GLIPR1L2: variants seen among roughly 807,000 people sequenced by gnomAD.
The protein encoded by GLIPR1L2 is GLIPR1-like protein 2.
GLIPR1L2 carries 21 observed loss-of-function variants against 28.4 expected under a neutral mutation model. The observed-to-expected ratio is 0.74, with a 90% confidence interval of 0.52 to 1.06. The LOEUF is 1.06. GLIPR1L2 is among the 50% of genes least tolerant of loss of function. The pLI, the probability that GLIPR1L2 is intolerant of heterozygous loss-of-function variation, is 0.00. For missense variants in GLIPR1L2, 476 were observed against 416.9 expected (o/e 1.14, Z -1.23); for synonymous variants, 145 against 139.3 (o/e 1.04, Z -0.29).
At chr12:75,415,468 G>T (rs2045914298) in intron 3 of GLIPR1L2, among the ~76,000 whole-genome samples, 1 of 152,038 alleles carries the variant, frequency 6.6e-6, no homozygotes, top group Non-Finnish European at 1.5e-5. Context: ...GTTGGATAAT[G>T]AATTACCACA....
At position 75,430,709 on chromosome 12, in the gene GLIPR1L2, T is replaced by C. The variant is rs1194464382; in HGVS notation, c.671-6T>C. ...TAATTTTTGTGGACTTTCTTTTTCT[T>C]TCTAGGTAATGCAGATCGTGACCAA... On this transcript the variant is annotated splice_polypyrimidine_tract_variant and splice_region_variant and intron_variant, in intron 4 of 5. Transcript: ENST00000550916. 6.5e-7 allele frequency: 1 copy of C among 1,530,662 alleles called. No homozygotes were observed. The highest frequency in any genetic ancestry group is 8.7e-7 in the Non-Finnish European group (1 of 1,145,272). 94.8% of individuals were successfully genotyped at this position (1,530,662 alleles called of 1,614,324 possible).
rs1451366844 is a variant in GLIPR1L2 at position 75,431,243 on chromosome 12, T to G, written c.*82T>G. Reference sequence around the variant, plus strand: ...AAAAAAGACAGAAAAAAAAAAAAAGTAAAACACTGAGTTTTAACAAGAAAG... The same window carrying G: ...AAAAAAGACAGAAAAAAAAAAAAAGGAAAACACTGAGTTTTAACAAGAAAG... On this transcript the variant is annotated 3_prime_UTR_variant, in exon 6 of 6. Transcript: ENST00000550916. The G allele has an allele frequency of 3.4e-6, 2 of 587,950 alleles. No homozygotes were observed. The highest frequency in any genetic ancestry group is 3.0e-6 in the Non-Finnish European group (1 of 334,618). 36.4% of individuals were successfully genotyped at this position (587,950 alleles called of 1,614,324 possible).
chr12:75,413,618 C>A lies in GLIPR1L2; in HGVS notation c.501C>A (p.Tyr167Ter). 1 of 1,555,402 alleles carries A rather than the reference C, an allele frequency of 6.4e-7. No homozygotes were observed. The highest frequency in any genetic ancestry group is 1.3e-5 in the South Asian group (1 of 79,558). ...NYIQLVWDHSYKVGCAVTPCS... is the reference protein window; with the variant it reads ...NYIQLVWDHS ...TTTAGCTTGTTTGGGACCACTCTTA[C>A]AAAGTTGGTTGTGCTGTTACTCCAT... The change falls in exon 3 of 6, where the codon TAC becomes TAA. Residue 167 changes from tyrosine to a stop codon, truncating the protein, a stop_gained. Coordinates refer to ENST00000550916, the MANE Select transcript of GLIPR1L2 (RefSeq NM_001270396.2). LOFTEE classifies it high-confidence loss of function.
At chr12:75,398,495 T>G (rs1215347642) in intron 1 of GLIPR1L2, among the ~76,000 whole-genome samples, 1 of 152,158 alleles carries the variant, frequency 6.6e-6, no homozygotes, top group African/African-American at 2.4e-5. Context: ...GTGTCTTAGC[T>G]TCGTCCTCTT....
intron 4 of GLIPR1L2, chr12:75,424,016 T>G (rs2046008038): frequency 6.6e-6 from 1 of 152,242 alleles, no homozygotes; most frequent in Non-Finnish European, 1.5e-5. Flanking sequence ...TGAACAGTGC[T>G]GCAATAAACA....
At chr12:75,408,326 T>G (rs1281677350) in intron 1 of GLIPR1L2, among the ~76,000 whole-genome samples, 1 of 151,954 alleles carries the variant, frequency 6.6e-6, no homozygotes, top group Non-Finnish European at 1.5e-5. Flanking sequence ...GGAATTAGAT[T>G]TCATGGGTTT....
At chr12:75,412,419 G>T (rs547865017) in intron 2 of GLIPR1L2, among the ~76,000 whole-genome samples, 43 of 151,972 alleles carry the variant, frequency 2.8e-4, no homozygotes, top group Non-Finnish European at 3.8e-4. Flanking sequence ...CCTACAAAAT[G>T]GGGGAAAATT....
At chr12:75,430,445 T>C (rs12580524) in intron 4 of GLIPR1L2, among the ~76,000 whole-genome samples, 2 of 152,090 alleles carry the variant, frequency 1.3e-5, no homozygotes, top group African/African-American at 4.8e-5. Flanking sequence ...AGTGGAGAAA[T>C]GTATGTAAGG....
At chr12:75,403,743 C>G (rs536579799) in intron 1 of GLIPR1L2, among the ~76,000 whole-genome samples, 1 of 152,164 alleles carries the variant, frequency 6.6e-6, no homozygotes, top group East Asian at 1.9e-4. Flanking sequence ...AACCCCCTAC[C>G]TCCTTCATCC....
chr12:75,429,941 T>TTC (rs1555234759), intron 4 of GLIPR1L2, among the ~76,000 whole-genome samples: 11 of 143,708 alleles, frequency 7.7e-5, no homozygotes, highest in African/African-American at 2.9e-4. Flanking sequence ...TTTCTTTCTT[T>TTC]TTTTTTTTTT....
intron 1 of GLIPR1L2, among the ~76,000 whole-genome samples, chr12:75,406,522 T>A (rs543319988): frequency 1.3e-4 from 20 of 152,106 alleles, no homozygotes; most frequent in African/African-American, 4.8e-4. Flanking sequence ...TTTGGGAGGC[T>A]GAGGTGGGAG....
At position 75,431,144 on chromosome 12, in the gene GLIPR1L2, G is replaced by A; in HGVS notation, c.1018G>A (p.Glu340Lys). Residue 340 changes from glutamate (E) to lysine (K), a missense_variant, in exon 6 of 6, where the codon GAG becomes AAG. Coordinates refer to ENST00000550916, the MANE Select transcript of GLIPR1L2 (RefSeq NM_001270396.2). ...EEEETQKEKM[E>K]EEEK ...GGAGGAAACACAAAAAGAAAAGATGGAGGAAGAGGAAAAATAAGAGTAGAA... is the reference window on the plus strand; with the variant it reads ...GGAGGAAACACAAAAAGAAAAGATGAAGGAAGAGGAAAAATAAGAGTAGAA... 1.3e-6 allele frequency: 1 copy of A among 791,458 alleles called. No homozygotes were observed. The highest frequency in any genetic ancestry group is 2.1e-6 in the Non-Finnish European group (1 of 482,534). The allele number at this position is 791,458 out of a possible 1,614,324, so 49.0% of individuals were successfully genotyped here. A position where few individuals can be genotyped will look rare whatever the true frequency, so the allele number is the denominator to read the frequency against.
chr12:75,392,145 G>A (rs2045621606), intron 1 of GLIPR1L2, among the ~76,000 whole-genome samples: 1 of 152,108 alleles, frequency 6.6e-6, no homozygotes, highest in African/African-American at 2.4e-5. Context: ...ATATTGCAAG[G>A]ACTACTTTCC....
At chr12:75,406,594 CA>C (rs1252608098) in intron 1 of GLIPR1L2, among the ~76,000 whole-genome samples, 1 of 151,284 alleles carries the variant, frequency 6.6e-6, no homozygotes, top group Non-Finnish European at 1.5e-5. Flanking sequence ...CTGTCTCTAC[CA>C]AAAAATAAAA....
chr12:75,428,082 T>C (rs989295444), intron 4 of GLIPR1L2, among the ~76,000 whole-genome samples: 1 of 152,106 alleles, frequency 6.6e-6, no homozygotes, highest in Admixed American at 6.6e-5. Flanking sequence ...TTGGAACCAT[T>C]TGGAGGGCTC....
At chr12:75,407,816 T>C (rs1028187661) in intron 1 of GLIPR1L2, among the ~76,000 whole-genome samples, 8 of 152,088 alleles carry the variant, frequency 5.3e-5, no homozygotes, top group Non-Finnish European at 1.2e-4. Flanking sequence ...CATGTAACCT[T>C]GAGAATTCTT....
Position 75,413,497 on chromosome 12 carries a change from T to G in GLIPR1L2, c.481-101T>G, listed in dbSNP as rs931188350. 3.6e-5 allele frequency: 24 copies of G among 673,672 alleles called. No individual in the cohort carries two copies. The African/African-American group carries it at 4.4e-4, about 12-fold the overall frequency. 41.7% of individuals were successfully genotyped at this position (673,672 alleles called of 1,614,324 possible). On this transcript the variant is annotated intron_variant, in intron 2 of 5. Coordinates refer to ENST00000550916, the MANE Select transcript of GLIPR1L2 (RefSeq NM_001270396.2). ...AAATAGTTTATATTTCTTGAATTGC[T>G]TGGTGAAAAGTTCTATGTGAATGGA... is the stretch of plus-strand genomic sequence containing the variant.
rs1210547615 is a variant in GLIPR1L2, at chr12:75,391,245, A to AT, written c.134dup (p.Leu45PhefsTer19). On this transcript the variant is annotated frameshift_variant, in exon 1 of 6. Coordinates refer to ENST00000550916, the MANE Select transcript of GLIPR1L2 (RefSeq NM_001270396.2). LOFTEE classifies it high-confidence loss of function. ...TACTGGGTTCTAGTTTGAACGCCAG[A>AT]TTTTTGCCAGACGAGGAGGACGTAG... The AT allele has an allele frequency of 6.2e-7, 1 of 1,614,060 alleles. No individual in the cohort carries two copies. Among genetic ancestry groups the AT allele is most frequent in the African/African-American group, 1.3e-5 (1 of 74,922 alleles).
In GLIPR1L2 at chr12:75,431,988, G is replaced by C. The variant is rs2139973453; in HGVS notation, c.*827G>C. 1 of 152,110 alleles carries C rather than the reference G, an allele frequency of 6.6e-6. No homozygotes were observed. The highest frequency in any genetic ancestry group is 2.1e-4 in the South Asian group (1 of 4,816). The allele number at this position is 152,110 out of a possible 1,614,324, so 9.4% of individuals were successfully genotyped here. On this transcript the variant is annotated 3_prime_UTR_variant, in exon 6 of 6. Transcript: ENST00000550916. The stretch of plus-strand genomic sequence containing the variant: ...GAACTAAATAAAAATACCTAGCATA[G>C]GAGATTTCTTTATCTATAAAATAAA...
Sources: gnomAD v4.1 joint callset for allele counts (sites outside exome capture counted in the v4.1 genomes callset) on GRCh38, gnomAD v4.1.1 for gene constraint, MANE v1.5 for transcripts, NCBI Gene and HGNC (gene_info 2026-07-23, HGNC 2026-07-21) for gene names.